KHDRBS2: variants seen among roughly 807,000 people sequenced by gnomAD.
KHDRBS2 encodes KH domain-containing, RNA-binding, signal transduction-associated protein 2.
In KHDRBS2, 26 loss-of-function variants were observed where a neutral mutation model predicts 44.3. The ratio of observed to expected loss-of-function variants is 0.59; its 90% CI spans 0.43 to 0.81. The LOEUF (loss-of-function observed/expected upper bound fraction) is 0.81, where lower values mean the gene tolerates loss of function less well. KHDRBS2 is among the 40% of genes least tolerant of loss of function. KHDRBS2 has a pLI of 0.00. For missense variants in KHDRBS2, 476 were observed against 433.1 expected, an observed-to-expected ratio of 1.10 and a Z score of -0.88; for synonymous variants, 194 against 151.1, an observed-to-expected ratio of 1.28 and a Z score of -2.08.
chr6:62,200,035 T>C (rs1323059099), intron 1 of KHDRBS2, among the ~76,000 whole-genome samples: 5 of 152,162 alleles, frequency 3.3e-5, no homozygotes, highest in Non-Finnish European at 5.9e-5. Flanking sequence ...TAGCCATATG[T>C]AGAAAGCTGA....
At chr6:62,106,475 C>T (rs1803358350) in intron 2 of KHDRBS2, among the ~76,000 whole-genome samples, 1 of 152,066 alleles carries the variant, frequency 6.6e-6, no homozygotes, top group Non-Finnish European at 1.5e-5. Flanking sequence ...GTATTGGGTG[C>T]ATACATATTT....
chr6:61,679,837 G>C (rs2127537061), downstream of KHDRBS2: 1 of 152,004 alleles, frequency 6.6e-6, no homozygotes, highest in East Asian at 2.0e-4. Context: ...TGAAGAACTA[G>C]GCATTTAGAC....
chr6:61,556,793 G>A, the KHDRBS2 span, among the ~76,000 whole-genome samples: 7 of 151,074 alleles, frequency 4.6e-5, no homozygotes, highest in Non-Finnish European at 8.8e-5. Context: ...TATTCAAAAG[G>A]CATGTACTAA....
In KHDRBS2 at chr6:61,861,618, G is replaced by A. The variant is rs565845740; in HGVS notation, c.810+33017C>T. On this transcript the variant is annotated intron_variant, in intron 6 of 8. Coordinates refer to ENST00000281156, the MANE Select transcript of KHDRBS2 (RefSeq NM_152688.4). ...TACCATGCTGTTTCAATTACTTGTA[G>A]CCGTGTAATATAAATCCAGGTAGCA... Among the ~76,000 whole-genome samples the A allele has an allele frequency of 2.0e-5, 3 of 150,468 alleles. No homozygotes were observed. In the East Asian group the frequency reaches 5.8e-4, roughly 29 times the overall value.
chr6:61,998,113 AC>A (rs1249164088), intron 3 of KHDRBS2, among the ~76,000 whole-genome samples: 4 of 152,328 alleles, frequency 2.6e-5, no homozygotes, highest in Non-Finnish European at 4.4e-5. Flanking sequence ...GAAATAAAAT[AC>A]ATTTACTTTT....
chr6:61,767,215 T>G (rs1233372773), intron 6 of KHDRBS2, among the ~76,000 whole-genome samples: 3 of 152,084 alleles, frequency 2.0e-5, no homozygotes, highest in African/African-American at 7.2e-5. Flanking sequence ...ATGATCTCCT[T>G]TGTCTTTTAT....
intron 6 of KHDRBS2, among the ~76,000 whole-genome samples, chr6:61,779,300 A>C (rs2127580696): frequency 6.6e-6 from 1 of 152,254 alleles, no homozygotes; most frequent in Non-Finnish European, 1.5e-5. Context: ...TTGGGGCCAT[A>C]AAAAATAACC....
intron 1 of KHDRBS2, among the ~76,000 whole-genome samples, chr6:62,223,876 T>C: frequency 6.6e-6 from 1 of 152,166 alleles, no homozygotes. Flanking sequence ...TATCAGGCTT[T>C]TGGTGAAAGC....
chr6:62,026,417 T>TTTATTATTA (rs372829154), intron 3 of KHDRBS2, among the ~76,000 whole-genome samples: 1 of 143,124 alleles, frequency 7.0e-6, no homozygotes, highest in African/African-American at 2.5e-5. Flanking sequence ...TTTTATTTTA[T>TTTATTATTA]TTATTATTAT....
At chr6:61,661,695 A>T in the KHDRBS2 span, among the ~76,000 whole-genome samples, 1 of 151,934 alleles carries the variant, frequency 6.6e-6, no homozygotes, top group East Asian at 2.0e-4. Flanking sequence ...TACAAGGGAC[A>T]TGAAGGACCT....
At chr6:62,100,155 T>C (rs572265477) in intron 2 of KHDRBS2, among the ~76,000 whole-genome samples, 22 of 152,148 alleles carry the variant, frequency 1.4e-4, no homozygotes, top group Admixed American at 2.6e-4. Flanking sequence ...GTTTCATGAC[T>C]TCAGTGGAGG....
At chr6:62,176,005 T>C (rs1821018052) in intron 2 of KHDRBS2, among the ~76,000 whole-genome samples, 1 of 151,402 alleles carries the variant, frequency 6.6e-6, no homozygotes, top group Non-Finnish European at 1.5e-5. Flanking sequence ...AGTTATACCA[T>C]ATTTAAATGT....
At chr6:61,925,241 C>T (rs1289766637) in intron 4 of KHDRBS2, among the ~76,000 whole-genome samples, 4 of 152,094 alleles carry the variant, frequency 2.6e-5, no homozygotes, top group African/African-American at 9.7e-5. Flanking sequence ...TCAATCCCTA[C>T]TCAGTAGTGA....
chr6:61,852,362 G>C (rs1014152964), intron 6 of KHDRBS2, among the ~76,000 whole-genome samples: 4 of 151,072 alleles, frequency 2.6e-5, no homozygotes, highest in Non-Finnish European at 5.9e-5. Context: ...TGAAGAGATC[G>C]AGACAATCCT....
chr6:61,869,688 T>C (rs1798313320), intron 6 of KHDRBS2, among the ~76,000 whole-genome samples: 1 of 151,934 alleles, frequency 6.6e-6, no homozygotes, highest in African/African-American at 2.4e-5. Flanking sequence ...GGCTAGACAG[T>C]GGGTACAGCT....
intron 4 of KHDRBS2, among the ~76,000 whole-genome samples, chr6:61,955,438 GTATACATATGTGTATATA>G (rs1766687552): frequency 1.5e-5 from 1 of 65,432 alleles, no homozygotes; most frequent in African/African-American, 4.6e-5. Context: ...GTATGTGTAT[GTATACATATGTGTATATA>G]TACATATGTG....
intron 6 of KHDRBS2, among the ~76,000 whole-genome samples, chr6:61,880,512 T>C (rs1008901555): frequency 1.3e-5 from 2 of 151,970 alleles, no homozygotes; most frequent in African/African-American, 4.8e-5. Context: ...AATATATTTG[T>C]GCTTCATTAT....
chr6:61,928,542 TATC>T (rs201715551), intron 4 of KHDRBS2, among the ~76,000 whole-genome samples: 3,349 of 152,202 alleles, frequency 0.022, 131 homozygotes, highest in African/African-American at 0.077. Context: ...AATGATCAAA[TATC>T]ATACAATTAC....
intron 1 of KHDRBS2, among the ~76,000 whole-genome samples, chr6:62,225,739 C>T (rs1161857306): frequency 1.3e-5 from 2 of 151,282 alleles, no homozygotes; most frequent in African/African-American, 2.4e-5. Context: ...TCCCTTTGTC[C>T]ATGTGTTCTC....
Sources: allele counts gnomAD v4.1 joint callset (sites outside exome capture counted in the v4.1 genomes callset), GRCh38; gene constraint gnomAD v4.1.1; transcripts MANE v1.5; gene names NCBI Gene and HGNC (gene_info 2026-07-23, HGNC 2026-07-21).